The following DLG2 variants were observed in gnomAD, a reference collection of about 807,000 sequenced individuals.
DLG2 encodes discs large MAGUK scaffold protein 2.
A neutral mutation model predicts 132.5 loss-of-function variants in DLG2; 45 were observed. The ratio of observed to expected loss-of-function variants is 0.34; its 90% CI spans 0.27 to 0.44. The LOEUF (loss-of-function observed/expected upper bound fraction) is 0.44, where lower values mean the gene tolerates loss of function less well. Ranked by LOEUF, DLG2 falls within the 20% of genes least tolerant of loss-of-function variation. DLG2 has a pLI of 1.00. For synonymous variants in DLG2, 424 were observed against 419.6 expected, an observed-to-expected ratio of 1.01 and a Z score of -0.13; for missense variants, 1,045 against 1,196.9, an observed-to-expected ratio of 0.87 and a Z score of 1.87.
chr11:84,009,929 G>A (rs993945201), intron 11 of DLG2, among the ~76,000 whole-genome samples: 12 of 151,914 alleles, frequency 7.9e-5, no homozygotes, highest in South Asian at 4.1e-4. Context: ...ACAACCTGTG[G>A]GCCAAGACGC....
intron 6 of DLG2, among the ~76,000 whole-genome samples, chr11:84,881,223 A>G (rs559231579): frequency 3.9e-5 from 6 of 152,242 alleles, no homozygotes; most frequent in South Asian, 4.1e-4. Context: ...TCTCTTCCTG[A>G]TAACAGGTTA....
At chr11:85,424,052 C>A (rs1252469529) in intron 3 of DLG2, among the ~76,000 whole-genome samples, 3 of 152,152 alleles carry the variant, frequency 2.0e-5, no homozygotes, top group African/African-American at 7.2e-5. Context: ...CCCAAAGGAC[C>A]CCATGAGGCC....
At chr11:84,202,125 A>C (rs953618664) in intron 8 of DLG2, among the ~76,000 whole-genome samples, 7 of 151,730 alleles carry the variant, frequency 4.6e-5, no homozygotes, top group African/African-American at 1.7e-4. Context: ...CCTATTTTAA[A>C]ATTTATATGG....
At chr11:85,235,042 G>A (rs1016608195) in intron 4 of DLG2, among the ~76,000 whole-genome samples, 1 of 151,908 alleles carries the variant, frequency 6.6e-6, no homozygotes, top group African/African-American at 2.4e-5. Context: ...ATTTAAGGAA[G>A]ACAATATTTT....
chr11:83,795,883 C>T (rs2042704993), intron 17 of DLG2, among the ~76,000 whole-genome samples: 1 of 152,164 alleles, frequency 6.6e-6, no homozygotes, highest in East Asian at 1.9e-4. Context: ...TGTCCCTCAC[C>T]ATGTTGACCT....
chr11:83,711,803 G>A (rs1198158792), intron 18 of DLG2, among the ~76,000 whole-genome samples: 1 of 151,630 alleles, frequency 6.6e-6, no homozygotes, highest in Non-Finnish European at 1.5e-5. Flanking sequence ...AGGAGTACTA[G>A]GTCACCTGAG....
chr11:84,218,692 T>C (rs1173819604), intron 8 of DLG2, among the ~76,000 whole-genome samples: 2 of 152,182 alleles, frequency 1.3e-5, no homozygotes, highest in Non-Finnish European at 2.9e-5. Flanking sequence ...GGAATACATA[T>C]ATTAGACCAG....
intron 7 of DLG2, among the ~76,000 whole-genome samples, chr11:84,254,971 C>T (rs902074363): frequency 7.2e-5 from 11 of 152,160 alleles, no homozygotes; most frequent in African/African-American, 2.7e-4. Context: ...AGAGATGCCA[C>T]GGTAGGCTCT....
intron 17 of DLG2, among the ~76,000 whole-genome samples, chr11:83,816,333 G>C (rs1466180134): frequency 1.5e-4 from 23 of 152,104 alleles, no homozygotes. Flanking sequence ...TTCTAAACTG[G>C]TACAATTAAT....
chr11:84,472,861 C>T (rs2099112098), intron 7 of DLG2, among the ~76,000 whole-genome samples: 1 of 151,958 alleles, frequency 6.6e-6, no homozygotes, highest in Admixed American at 6.6e-5. Flanking sequence ...GAGAGATTAT[C>T]ACTTAATTTT....
chr11:83,688,873 C>T (rs2080324132), intron 18 of DLG2, among the ~76,000 whole-genome samples: 1 of 152,110 alleles, frequency 6.6e-6, no homozygotes, highest in South Asian at 2.1e-4. Flanking sequence ...GTTAAGACCA[C>T]TTCAATCTAT....
At chr11:84,108,717 T>G (rs1055938232) in intron 9 of DLG2, among the ~76,000 whole-genome samples, 1 of 152,088 alleles carries the variant, frequency 6.6e-6, no homozygotes, top group African/African-American at 2.4e-5. Context: ...GGAATTACAT[T>G]ATCTGATCTA....
chr11:83,675,352 A>G (rs1376850595), intron 18 of DLG2, among the ~76,000 whole-genome samples: 1 of 152,244 alleles, frequency 6.6e-6, no homozygotes, highest in Non-Finnish European at 1.5e-5. Context: ...ATTAGCAAAC[A>G]CATGTACAAA....
At chr11:84,227,936 A>T (rs2097029106) in intron 8 of DLG2, among the ~76,000 whole-genome samples, 1 of 149,670 alleles carries the variant, frequency 6.7e-6, no homozygotes. Flanking sequence ...AAAAAAATGT[A>T]TGTTGACTGA....
chr11:84,113,788 C>T (rs528398844), intron 9 of DLG2, among the ~76,000 whole-genome samples: 7 of 152,090 alleles, frequency 4.6e-5, no homozygotes, highest in East Asian at 3.9e-4. Flanking sequence ...GATAGATGAA[C>T]GAATTTTAAT....
intron 8 of DLG2, among the ~76,000 whole-genome samples, chr11:84,212,994 T>C (rs1318926144): frequency 6.6e-6 from 1 of 152,168 alleles, no homozygotes; most frequent in Non-Finnish European, 1.5e-5. Context: ...AGGTAGATAG[T>C]TCCCGTCTGA....
At chr11:84,540,919 T>C (rs1364327276) in intron 6 of DLG2, among the ~76,000 whole-genome samples, 1 of 152,084 alleles carries the variant, frequency 6.6e-6, no homozygotes. Context: ...GAAACCATCA[T>C]TCTGAGCAAA....
At chr11:85,476,786 T>A (rs748877581) in intron 3 of DLG2, among the ~76,000 whole-genome samples, 1 of 152,126 alleles carries the variant, frequency 6.6e-6, no homozygotes, top group Admixed American at 6.5e-5. Flanking sequence ...TCTACTATGA[T>A]TAACAATGCC....
Position 83,645,372 on chromosome 11 carries a change from T to TTAAC in DLG2, c.1826-12051_1826-12048dup, listed in dbSNP as rs1434021698. Among the ~76,000 whole-genome samples the TTAAC allele has an allele frequency of 5.3e-5, 8 of 152,106 alleles. No individual in the cohort carries two copies. The South Asian group carries it at 1.7e-3, about 32-fold the overall frequency. On this transcript the variant is annotated intron_variant, in intron 18 of 27. Coordinates refer to ENST00000376104, the MANE Select transcript of DLG2 (RefSeq NM_001142699.3). ...TAACAGTTGAAGCAATTTATACACTTTAACAATTGAAGCAATTTATACACC... is the reference window on the plus strand; with the variant it reads ...TAACAGTTGAAGCAATTTATACACTTTAACTAACAATTGAAGCAATTTATACACC...
Sources: gnomAD v4.1 joint callset for allele counts (sites outside exome capture counted in the v4.1 genomes callset) on GRCh38, gnomAD v4.1.1 for gene constraint, MANE v1.5 for transcripts, NCBI Gene and HGNC (gene_info 2026-07-23, HGNC 2026-07-21) for gene names.